Variants in ERC2 observed in about 807,000 individuals in gnomAD.
ERC2 encodes the protein ERC protein 2.
Under a neutral mutation model 114.8 loss-of-function variants are expected in ERC2, and 42 were observed. That is an observed-to-expected ratio of 0.37 (90% CI 0.29 to 0.47). The LOEUF is 0.47. Ranked by LOEUF, ERC2 falls within the 20% of genes least tolerant of loss-of-function variation. ERC2 has a pLI of 0.99. For synonymous variants in ERC2, 454 were observed against 425.5 expected (o/e 1.07, Z -0.82); for missense variants, 939 against 1,150.7 (o/e 0.82, Z 2.66).
chr3:56,173,598 A>T, intron 3 of ERC2, 78 bp from the exon 4 acceptor site: 1 of 1,378,988 alleles, frequency 7.3e-7, no homozygotes, highest in Non-Finnish European at 1.0e-6. Flanking sequence ...GGTACTACAC[A>T]GCCTGCTGGG....
chr3:55,806,305 A>G (rs1008388938), intron 14 of ERC2, among the ~76,000 whole-genome samples: 10 of 149,980 alleles, frequency 6.7e-5, no homozygotes, highest in African/African-American at 2.5e-4. Context: ...ACTGCACTCC[A>G]GTCTGGGAGC....
At chr3:56,427,991 C>T (rs2061636208) in intron 2 of ERC2, among the ~76,000 whole-genome samples, 1 of 152,120 alleles carries the variant, frequency 6.6e-6, no homozygotes, top group African/African-American at 2.4e-5. Context: ...AAAGTGTTAT[C>T]TCCCTGCACA....
chr3:55,636,671 G>A (rs1281068522), intron 17 of ERC2, among the ~76,000 whole-genome samples: 1 of 152,172 alleles, frequency 6.6e-6, no homozygotes, highest in African/African-American at 2.4e-5. Context: ...TATGGTTTCT[G>A]TCGCAACTAT....
chr3:55,795,031 A>AT (rs2070364247), intron 14 of ERC2, among the ~76,000 whole-genome samples: 1 of 152,192 alleles, frequency 6.6e-6, no homozygotes, highest in African/African-American at 2.4e-5. Flanking sequence ...TGAGCCTGTT[A>AT]CATTAGCCAG....
intron 14 of ERC2, among the ~76,000 whole-genome samples, chr3:55,772,838 G>T (rs930759300): frequency 1.3e-5 from 2 of 152,084 alleles, no homozygotes; most frequent in Non-Finnish European, 2.9e-5. Flanking sequence ...CAAAACTTTA[G>T]TGTCAAGATT....
At chr3:56,010,697 G>A (rs1431445503) in intron 8 of ERC2, 108 bp from the exon 9 acceptor site, 1 of 1,251,942 alleles carries the variant, frequency 8.0e-7, no homozygotes, top group African/African-American at 1.5e-5. Context: ...TGCTGTACAG[G>A]AATCAACACA....
At chr3:56,451,739 C>T (rs539914496) in intron 1 of ERC2, among the ~76,000 whole-genome samples, 30 of 152,276 alleles carry the variant, frequency 2.0e-4, no homozygotes, top group African/African-American at 7.0e-4. Context: ...GGACATAATT[C>T]GGATCTATTC....
chr3:55,519,531 C>G (rs1475448075), intron 17 of ERC2, among the ~76,000 whole-genome samples: 1 of 152,220 alleles, frequency 6.6e-6, no homozygotes, highest in East Asian at 1.9e-4. Context: ...CACACGCTGA[C>G]ATATTTAATA....
intron 14 of ERC2, among the ~76,000 whole-genome samples, chr3:55,882,828 T>G (rs1340026318): frequency 6.6e-6 from 1 of 152,176 alleles, no homozygotes; most frequent in African/African-American, 2.4e-5. Flanking sequence ...TGAATCAAGT[T>G]GGCCTCAGTT....
At chr3:55,825,210 T>A (rs2060277986) in intron 14 of ERC2, among the ~76,000 whole-genome samples, 2 of 152,200 alleles carry the variant, frequency 1.3e-5, no homozygotes, top group Non-Finnish European at 1.5e-5. Flanking sequence ...CAATTTCAGA[T>A]CCAGGCTGAG....
At chr3:55,939,055 T>G (rs1340055414) in intron 13 of ERC2, among the ~76,000 whole-genome samples, 1 of 152,244 alleles carries the variant, frequency 6.6e-6, no homozygotes, top group Non-Finnish European at 1.5e-5. Context: ...AAAATATTAC[T>G]GTACCTTTCA....
At chr3:55,958,744 C>T (rs923729920) in intron 12 of ERC2, among the ~76,000 whole-genome samples, 5 of 152,330 alleles carry the variant, frequency 3.3e-5, no homozygotes, top group South Asian at 2.1e-4. Context: ...GTTGCAGCAG[C>T]GCCCAGGCTT....
At chr3:56,426,968 C>T (rs1292219083) in intron 2 of ERC2, among the ~76,000 whole-genome samples, 1 of 141,206 alleles carries the variant, frequency 7.1e-6, no homozygotes, top group Non-Finnish European at 1.5e-5. Context: ...TCAAGACCAG[C>T]TTGGGAAACA....
chr3:56,438,816 A>C (rs902847944), intron 1 of ERC2, among the ~76,000 whole-genome samples: 1 of 152,194 alleles, frequency 6.6e-6, no homozygotes, highest in African/African-American at 2.4e-5. Context: ...TTTAATCCTC[A>C]GTGAATTTAC....
intron 3 of ERC2, among the ~76,000 whole-genome samples, chr3:56,193,252 G>A (rs111293285): frequency 0.015 from 2,289 of 152,252 alleles, 20 homozygotes; most frequent in Non-Finnish European, 0.024. Flanking sequence ...GCTGGCTCAC[G>A]TCTGTACTCC....
intron 14 of ERC2, among the ~76,000 whole-genome samples, chr3:55,808,702 TATA>T (rs1397285178): frequency 2.7e-4 from 1 of 3,716 alleles, no homozygotes. Flanking sequence ...ACCATAATTT[TATA>T]TATATATATA....
intron 17 of ERC2, among the ~76,000 whole-genome samples, chr3:55,623,445 T>C (rs1245103724): frequency 2.0e-5 from 3 of 152,364 alleles, no homozygotes; most frequent in East Asian, 1.9e-4. Context: ...TTCAGCTCTC[T>C]TATTCTTTGA....
At chr3:55,561,100 G>C (rs1033725106) in intron 17 of ERC2, among the ~76,000 whole-genome samples, 23 of 151,252 alleles carry the variant, frequency 1.5e-4, no homozygotes, top group Non-Finnish European at 7.4e-5. Flanking sequence ...AGAAGCTTTA[G>C]ATGATGTCGG....
chr3:55,919,948 G>C (rs745807675), intron 13 of ERC2, among the ~76,000 whole-genome samples: 9 of 152,248 alleles, frequency 5.9e-5, no homozygotes, highest in Middle Eastern at 6.8e-3. Context: ...AAAGAAGAAA[G>C]TATGAAGCCA....
Sources: gnomAD v4.1 joint callset for allele counts (sites outside exome capture counted in the v4.1 genomes callset) on GRCh38, gnomAD v4.1.1 for gene constraint, MANE v1.5 for transcripts, NCBI Gene and HGNC (gene_info 2026-07-23, HGNC 2026-07-21) for gene names.